Variants in BCL11A observed in about 807,000 individuals in gnomAD.
The protein encoded by BCL11A is BCL11 transcription factor A.
A neutral mutation model predicts 55.9 loss-of-function variants in BCL11A; 2 were observed. That is an observed-to-expected ratio of 0.04 (90% CI 0.01 to 0.11). The LOEUF is 0.11. Ranked by LOEUF, BCL11A falls within the 10% of genes least tolerant of loss-of-function variation. The pLI, the probability that BCL11A is intolerant of heterozygous loss-of-function variation, is 1.00. For synonymous variants in BCL11A, 465 were observed against 473.4 expected (o/e 0.98, Z 0.23); for missense variants, 817 against 1,137.1 (o/e 0.72, Z 4.05).
intron 2 of BCL11A, among the ~76,000 whole-genome samples, chr2:60,491,546 C>A (rs1678632721): frequency 6.6e-6 from 1 of 152,042 alleles, no homozygotes. Flanking sequence ...GTAATACATG[C>A]CTGTAATCTC....
At chr2:60,529,481 AAAG>A (rs1432683059) in intron 2 of BCL11A, among the ~76,000 whole-genome samples, 2 of 152,250 alleles carry the variant, frequency 1.3e-5, no homozygotes, top group Non-Finnish European at 2.9e-5. Flanking sequence ...AGAAGAAAAG[AAAG>A]AAGATACATC....
intron 2 of BCL11A, among the ~76,000 whole-genome samples, chr2:60,520,389 G>T (rs769562887): frequency 6.6e-6 from 1 of 151,958 alleles, no homozygotes; most frequent in Non-Finnish European, 1.5e-5. Flanking sequence ...TTTGCATAAT[G>T]CATTACTAAT....
At chr2:60,489,321 A>C (rs977446928) in intron 2 of BCL11A, among the ~76,000 whole-genome samples, 6 of 152,192 alleles carry the variant, frequency 3.9e-5, no homozygotes, top group African/African-American at 1.2e-4. Context: ...CAACATATCC[A>C]AATTCATACA....
chr2:60,523,472 C>A (rs558656263), intron 2 of BCL11A, among the ~76,000 whole-genome samples: 164 of 152,268 alleles, frequency 1.1e-3, no homozygotes, highest in Middle Eastern at 3.4e-3. Flanking sequence ...ATGGTGAATT[C>A]TAAAGACTTT....
At chr2:60,480,664 T>C (rs1677897028) in intron 2 of BCL11A, among the ~76,000 whole-genome samples, 1 of 152,194 alleles carries the variant, frequency 6.6e-6, no homozygotes, top group Non-Finnish European at 1.5e-5. Flanking sequence ...CAATGGTTGT[T>C]ATGGACAATC....
chr2:60,491,715 T>TC (rs1678650206), intron 2 of BCL11A, among the ~76,000 whole-genome samples: 1 of 148,346 alleles, frequency 6.7e-6, no homozygotes, highest in Non-Finnish European at 1.5e-5. Context: ...AAAGAAATGC[T>TC]CCCCTCAGTT....
intron 3 of BCL11A, among the ~76,000 whole-genome samples, chr2:60,464,616 C>T (rs1334038976): frequency 6.6e-6 from 1 of 152,192 alleles, no homozygotes; most frequent in African/African-American, 2.4e-5. Flanking sequence ...CGATTGAAAT[C>T]CAGGACTAGA....
intron 1 of BCL11A, among the ~76,000 whole-genome samples, chr2:60,547,669 C>G (rs1670218110): frequency 6.6e-6 from 1 of 152,048 alleles, no homozygotes; most frequent in Non-Finnish European, 1.5e-5. Context: ...CACAGAGAAT[C>G]AAAAAATAGA....
At chr2:60,535,716 G>C (rs558937971) in intron 2 of BCL11A, 2 of 152,280 alleles carry the variant, frequency 1.3e-5, no homozygotes, top group Non-Finnish European at 2.9e-5. Context: ...TACTTCTGAG[G>C]AGTGCAAATC....
intron 2 of BCL11A, chr2:60,484,143 T>C (rs879420758): frequency 2.0e-5 from 3 of 152,240 alleles, no homozygotes; most frequent in Non-Finnish European, 2.9e-5. Context: ...AGTTGTTGGG[T>C]TGCCCTTCTA....
At position 60,458,889 on chromosome 2, in the gene BCL11A, A is replaced by C; in HGVS notation, c.*1515T>G. On this transcript the variant is annotated 3_prime_UTR_variant, in exon 4 of 4. Transcript: ENST00000642384. ...AATTAAAAAAATAAAAATAAAAACA[A>C]TGAATCCTCTTCCATGTTAACACAA... is the stretch of plus-strand genomic sequence containing the variant. The C allele has an allele frequency of 9.7e-7, 1 of 1,030,992 alleles. No individual in the cohort carries two copies. The highest frequency in any genetic ancestry group is 1.2e-6 in the Non-Finnish European group (1 of 856,304). The allele number at this position is 1,030,992 out of a possible 1,614,324, so 63.9% of individuals were successfully genotyped here.
intron 2 of BCL11A, chr2:60,534,419 C>T (rs1304632541): frequency 1.3e-5 from 2 of 152,210 alleles, no homozygotes; most frequent in Non-Finnish European, 2.9e-5. Context: ...TTCCCTCCTC[C>T]AAAGGAGGAA....
At chr2:60,464,370 GT>G (rs959430567) in intron 3 of BCL11A, among the ~76,000 whole-genome samples, 1 of 152,008 alleles carries the variant, frequency 6.6e-6, no homozygotes, top group African/African-American at 2.4e-5. Context: ...TAAATTTTTT[GT>G]TGTTGTTGAA....
chr2:60,463,282 G>C (rs911411172), intron 3 of BCL11A, among the ~76,000 whole-genome samples: 6 of 152,230 alleles, frequency 3.9e-5, no homozygotes, highest in African/African-American at 1.4e-4. Flanking sequence ...TAGGAGGAGT[G>C]GCTGGTGCCG....
chr2:60,532,585 G>A (rs1483097589), intron 2 of BCL11A, among the ~76,000 whole-genome samples: 1 of 151,854 alleles, frequency 6.6e-6, no homozygotes, highest in Non-Finnish European at 1.5e-5. Context: ...AAAAAGGAAA[G>A]AAAAAAAGAA....
intron 2 of BCL11A, among the ~76,000 whole-genome samples, chr2:60,483,047 T>C (rs570866970): frequency 3.3e-5 from 5 of 152,346 alleles, no homozygotes; most frequent in Non-Finnish European, 5.9e-5. Context: ...AAACCTGCAC[T>C]TCAGCCCATG....
At chr2:60,467,117 GTGGTGGTGGTGATGGTGGTGT>G (rs1676676021) in intron 3 of BCL11A, among the ~76,000 whole-genome samples, 1 of 118,774 alleles carries the variant, frequency 8.4e-6, no homozygotes. Flanking sequence ...GGTAGTGGTG[GTGGTGGTGGTGATGGTGGTGT>G]TGGTGGTGAT....
chr2:60,492,676 C>T (rs111406122), intron 2 of BCL11A, among the ~76,000 whole-genome samples: 50 of 152,034 alleles, frequency 3.3e-4, no homozygotes, highest in African/African-American at 9.4e-4. Context: ...TCTCAGAATA[C>T]AAAGGGCATT....
At chr2:60,507,574 T>C (rs1161567140) in intron 2 of BCL11A, among the ~76,000 whole-genome samples, 1 of 152,156 alleles carries the variant, frequency 6.6e-6, no homozygotes, top group Non-Finnish European at 1.5e-5. Context: ...GGGGAAGAAC[T>C]GTTTCCACAT....
Sources: allele counts gnomAD v4.1 joint callset (sites outside exome capture counted in the v4.1 genomes callset), GRCh38; gene constraint gnomAD v4.1.1; transcripts MANE v1.5; gene names NCBI Gene and HGNC (gene_info 2026-07-23, HGNC 2026-07-21).